Variants in HOXC6 observed in about 807,000 individuals in gnomAD.
HOXC6 encodes homeobox protein Hox-C6.
HOXC6 carries 10 observed loss-of-function variants against 24.0 expected under a neutral mutation model. The ratio of observed to expected loss-of-function variants is 0.42; its 90% CI spans 0.26 to 0.71. The LOEUF (loss-of-function observed/expected upper bound fraction) is 0.71, where lower values mean the gene tolerates loss of function less well. Among genes scored for constraint, HOXC6 ranks in the 30% least tolerant of loss-of-function variants. The pLI, the probability that HOXC6 is intolerant of heterozygous loss-of-function variation, is 0.28. For synonymous variants in HOXC6, 123 were observed against 128.1 expected (o/e 0.96, Z 0.27); for missense variants, 258 against 303.4 (o/e 0.85, Z 1.11).
At chr12:54,021,801 G>C (rs1050564330) in intron 1 of HOXC6, 1 of 152,582 alleles carries the variant, frequency 6.6e-6, no homozygotes, top group Admixed American at 6.5e-5. Context: ...TATTGTGTCT[G>C]TGAGTTGTTT....
chr12:54,019,338 C>T (rs1197890583), intron 1 of HOXC6, among the ~76,000 whole-genome samples: 1 of 152,198 alleles, frequency 6.6e-6, no homozygotes, highest in African/African-American at 2.4e-5. Context: ...CGCTCAGGCA[C>T]GGCCCAGTGG....
chr12:54,025,961 A>G (rs1328645357), upstream of HOXC6, among the ~76,000 whole-genome samples: 2 of 152,116 alleles, frequency 1.3e-5, no homozygotes, highest in Admixed American at 6.5e-5. Context: ...GACATAAAAG[A>G]GATTTTTAAA....
chr12:54,023,064 C>A (rs963924526), intron 1 of HOXC6, among the ~76,000 whole-genome samples: 1 of 152,132 alleles, frequency 6.6e-6, no homozygotes, highest in African/African-American at 2.4e-5. Flanking sequence ...CTCAAGTGTC[C>A]CTAGGCATCT....
At chr12:54,025,340 CTTTTGCCAAAAAAATAAAAT>C, upstream of HOXC6, among the ~76,000 whole-genome samples, 1 of 152,048 alleles carries the variant, frequency 6.6e-6, no homozygotes, top group Non-Finnish European at 1.5e-5. Context: ...GACAGCCATT[CTTTTGCCAAAAAAATAAAAT>C]TAACATGAAA....
At chr12:54,025,492 G>T (rs1940650077), upstream of HOXC6, among the ~76,000 whole-genome samples, 1 of 142,502 alleles carries the variant, frequency 7.0e-6, no homozygotes, top group Non-Finnish European at 1.5e-5. Flanking sequence ...AGAGAAAGAA[G>T]AGGGCTTCTT....
intron 1 of HOXC6, among the ~76,000 whole-genome samples, chr12:54,017,743 A>G (rs574424171): frequency 2.0e-5 from 3 of 152,132 alleles, no homozygotes; most frequent in Non-Finnish European, 4.4e-5. Context: ...CCTGCTTATT[A>G]TAGATCTTCG....
intron 1 of HOXC6, among the ~76,000 whole-genome samples, chr12:54,019,075 C>T (rs1398737975): frequency 6.6e-6 from 1 of 150,542 alleles, no homozygotes; most frequent in Non-Finnish European, 1.5e-5. Context: ...ACCCCCTTCC[C>T]TTCCTTTTCT....
intron 1 of HOXC6, chr12:54,022,706 T>G (rs1020517888): frequency 2.0e-5 from 3 of 151,894 alleles, no homozygotes; most frequent in Non-Finnish European, 2.9e-5. Flanking sequence ...GGAAAAAACA[T>G]GAAAGGAGGG....
At chr12:54,029,626 T>C in intron 1 of HOXC6, 29 bp from the exon 2 acceptor site, 1 of 1,601,546 alleles carries the variant, frequency 6.2e-7, no homozygotes, top group Non-Finnish European at 8.5e-7. Flanking sequence ...GCTGATTGCT[T>C]TTAGTGTGTT....
upstream of HOXC6, among the ~76,000 whole-genome samples, chr12:54,025,253 A>G (rs956731120): frequency 6.6e-6 from 1 of 152,242 alleles, no homozygotes; most frequent in Non-Finnish European, 1.5e-5. Flanking sequence ...ATGAGTTTCC[A>G]TAATTGTTTT....
intron 1 of HOXC6, 48 bp from the exon 2 acceptor site, chr12:54,029,607 G>T (rs774357870): frequency 5.1e-6 from 8 of 1,576,700 alleles, no homozygotes; most frequent in Non-Finnish European, 8.6e-7. Flanking sequence ...AGTCTGCAGA[G>T]GACGCTTTGC....
intron 1 of HOXC6, chr12:54,020,844 C>G (rs1388256408): frequency 2.0e-5 from 3 of 152,184 alleles, no homozygotes; most frequent in Non-Finnish European, 2.9e-5. Flanking sequence ...GCTTTTGTTG[C>G]CCAAGCAGCT....
At chr12:54,027,785 C>T (rs1004943639), upstream of HOXC6, among the ~76,000 whole-genome samples, 2 of 152,166 alleles carry the variant, frequency 1.3e-5, no homozygotes, top group African/African-American at 2.4e-5. Context: ...GCCACTGTAC[C>T]CTGAAGTCTT....
chr12:54,018,789 G>A (rs373444969), intron 1 of HOXC6, among the ~76,000 whole-genome samples: 1 of 152,092 alleles, frequency 6.6e-6, no homozygotes, highest in Non-Finnish European at 1.5e-5. Flanking sequence ...GACGAGGTCC[G>A]AGAGAACCTG....
intron 1 of HOXC6, chr12:54,021,909 C>G (rs960552914): frequency 6.6e-6 from 1 of 152,460 alleles, no homozygotes; most frequent in Admixed American, 6.5e-5. Context: ...ACTCCCTCCC[C>G]TTTCCAGCAA....
intron 1 of HOXC6, among the ~76,000 whole-genome samples, chr12:54,017,778 C>T (rs1161123146): frequency 6.6e-6 from 1 of 152,140 alleles, no homozygotes; most frequent in Non-Finnish European, 1.5e-5. Flanking sequence ...GGAACTGGGT[C>T]GGAGCGGAAC....
In HOXC6 at chr12:54,029,968, A is replaced by ACT; in HGVS notation, c.*7_*8dup. ...AGGAGAAGCAGAAAGAGTGACCAGG[A>ACT]CTGTCCCTGCCACCCCTCTCTCCCT... is the stretch of plus-strand genomic sequence containing the variant. On this transcript the variant is annotated 3_prime_UTR_variant, in exon 2 of 2. Transcript: ENST00000243108. The ACT allele has an allele frequency of 6.5e-7, 1 of 1,540,404 alleles. No homozygotes were observed. Among genetic ancestry groups the ACT allele is most frequent in the South Asian group, 1.2e-5 (1 of 81,330 alleles).
At chr12:54,026,673 C>T (rs981022562), upstream of HOXC6, among the ~76,000 whole-genome samples, 1 of 152,182 alleles carries the variant, frequency 6.6e-6, no homozygotes, top group Non-Finnish European at 1.5e-5. Context: ...ACTCTTCAAC[C>T]CCCTAACGAG....
At chr12:54,026,127 G>C (rs557325987), upstream of HOXC6, among the ~76,000 whole-genome samples, 6 of 152,232 alleles carry the variant, frequency 3.9e-5, no homozygotes, top group Admixed American at 1.3e-4. Flanking sequence ...AAATTGGAGG[G>C]GGGGACAGAG....
Sources: gnomAD v4.1 joint callset for allele counts (sites outside exome capture counted in the v4.1 genomes callset) on GRCh38, gnomAD v4.1.1 for gene constraint, MANE v1.5 for transcripts, NCBI Gene and HGNC (gene_info 2026-07-23, HGNC 2026-07-21) for gene names.